ROBO1: variants seen among roughly 807,000 people sequenced by gnomAD.
ROBO1 encodes roundabout homolog 1.
ROBO1 carries 149 observed loss-of-function variants against 195.9 expected under a neutral mutation model. That is an observed-to-expected ratio of 0.76 (90% CI 0.67 to 0.87). ROBO1 has a LOEUF of 0.87. Among genes scored for constraint, ROBO1 ranks in the 40% least tolerant of loss-of-function variants. The pLI, the probability that ROBO1 is intolerant of heterozygous loss-of-function variation, is 0.00. For missense variants in ROBO1, 1,933 were observed against 2,068.3 expected (o/e 0.93, Z 1.27); for synonymous variants, 816 against 733.2 (o/e 1.11, Z -1.82).
At chr3:79,261,718 T>C (rs1166221676) in intron 2 of ROBO1, among the ~76,000 whole-genome samples, 1 of 152,096 alleles carries the variant, frequency 6.6e-6, no homozygotes, top group Non-Finnish European at 1.5e-5. Flanking sequence ...AAGATATTTA[T>C]GAATCCCTTT....
intron 2 of ROBO1, among the ~76,000 whole-genome samples, chr3:79,482,080 A>T (rs2107385479): frequency 6.6e-6 from 1 of 152,322 alleles, no homozygotes; most frequent in African/African-American, 2.4e-5. Context: ...TTATTCAAAT[A>T]TGTATTATAT....
At chr3:79,603,846 A>G (rs1370512812) in intron 1 of ROBO1, among the ~76,000 whole-genome samples, 1 of 152,000 alleles carries the variant, frequency 6.6e-6, no homozygotes, top group Non-Finnish European at 1.5e-5. Context: ...ACATAGTTCT[A>G]TTAGTGTAGT....
chr3:78,614,079 C>T (rs528428002), intron 28 of ROBO1, among the ~76,000 whole-genome samples: 22 of 152,272 alleles, frequency 1.4e-4, no homozygotes, highest in African/African-American at 4.8e-4. Context: ...TAGACAAAAT[C>T]ACACTGTTTG....
intron 2 of ROBO1, among the ~76,000 whole-genome samples, chr3:79,360,752 G>A (rs1216900283): frequency 6.6e-6 from 1 of 152,038 alleles, no homozygotes; most frequent in East Asian, 1.9e-4. Context: ...AGGTCATGGA[G>A]GAGCTGAGAG....
intron 2 of ROBO1, among the ~76,000 whole-genome samples, chr3:79,401,334 T>G (rs967018648): frequency 6.6e-6 from 1 of 151,836 alleles, no homozygotes; most frequent in African/African-American, 2.4e-5. Context: ...TAGCTAAAAT[T>G]TAAAGGCCAA....
chr3:79,265,606 G>A (rs2083025460), intron 2 of ROBO1, among the ~76,000 whole-genome samples: 1 of 151,248 alleles, frequency 6.6e-6, no homozygotes, highest in Non-Finnish European at 1.5e-5. Flanking sequence ...AGTTACAATG[G>A]GTAAGAAGAG....
rs75780073 is a variant in ROBO1 at position 78,598,695 on chromosome 3, C to T, written c.*218G>A. Reference sequence around the variant, plus strand: ...AAGGTATAATGGTTTGCTCCAACAGCGAGGGGAATAGGAAGGCTCTTTGTA... The same window carrying T: ...AAGGTATAATGGTTTGCTCCAACAGTGAGGGGAATAGGAAGGCTCTTTGTA... On this transcript the variant is annotated 3_prime_UTR_variant, in exon 31 of 31. Coordinates refer to ENST00000464233, the MANE Select transcript of ROBO1 (RefSeq NM_002941.4). 2,646 of 383,610 alleles carry T rather than the reference C, an allele frequency of 6.9e-3. 68 individuals are homozygous for T. Among genetic ancestry groups the T allele is most frequent in the African/African-American group, 0.049 (2,384 of 48,178 alleles). The allele number at this position is 383,610 out of a possible 1,614,324, so 23.8% of individuals were successfully genotyped here.
In ROBO1 at chr3:79,623,885, C is replaced by T. The variant is rs529123523; in HGVS notation, c.-50-33924G>A. Among the ~76,000 whole-genome samples, 188 of 152,098 alleles carry T rather than the reference C, an allele frequency of 1.2e-3. 1 individual carries two copies. Among genetic ancestry groups the T allele is most frequent in the African/African-American group, 4.3e-3 (177 of 41,458 alleles). On this transcript the variant is annotated intron_variant, in intron 1 of 30. Transcript: ENST00000464233. ...CTCCATGAGAAGATCAACCCCAAGA[C>T]GCATAATCATCAAATTCTCCAAGGT...
intron 4 of ROBO1, among the ~76,000 whole-genome samples, chr3:78,799,461 C>T (rs1237682348): frequency 1.3e-5 from 2 of 152,118 alleles, no homozygotes; most frequent in Admixed American, 6.5e-5. Context: ...CCTGCCTCAG[C>T]CTCCTGAGTA....
intron 2 of ROBO1, among the ~76,000 whole-genome samples, chr3:79,405,297 G>A (rs971852916): frequency 1.5e-4 from 23 of 152,118 alleles, no homozygotes; most frequent in African/African-American, 4.3e-4. Context: ...TCAGTACCCC[G>A]ACTGCCACTG....
chr3:78,894,652 G>T (rs2037124021), intron 4 of ROBO1, among the ~76,000 whole-genome samples: 1 of 152,170 alleles, frequency 6.6e-6, no homozygotes, highest in Admixed American at 6.5e-5. Flanking sequence ...TAAAGAAAAA[G>T]AAGAAATAAT....
At chr3:79,118,172 C>T (rs115427456) in intron 3 of ROBO1, among the ~76,000 whole-genome samples, 263 of 151,532 alleles carry the variant, frequency 1.7e-3, no homozygotes, top group Middle Eastern at 0.01. Flanking sequence ...GCCAGTCGTC[C>T]GCAGTCAACC....
intron 3 of ROBO1, among the ~76,000 whole-genome samples, chr3:79,066,982 A>C (rs1385990325): frequency 1.3e-5 from 2 of 151,912 alleles, no homozygotes; most frequent in African/African-American, 2.4e-5. Context: ...TGATTCCTTT[A>C]ATATTGCCAG....
chr3:79,471,715 G>A (rs1938281716), intron 2 of ROBO1, among the ~76,000 whole-genome samples: 1 of 152,078 alleles, frequency 6.6e-6, no homozygotes, highest in Non-Finnish European at 1.5e-5. Flanking sequence ...ACTGGATAAA[G>A]AAAATGTAGC....
intron 2 of ROBO1, among the ~76,000 whole-genome samples, chr3:79,392,307 T>G (rs2036983553): frequency 1.3e-5 from 2 of 152,212 alleles, no homozygotes; most frequent in Non-Finnish European, 2.9e-5. Context: ...ATTAGTGTTT[T>G]ATTTGAAGAT....
chr3:79,111,362 G>A (rs556209607), intron 3 of ROBO1, among the ~76,000 whole-genome samples: 2 of 152,200 alleles, frequency 1.3e-5, no homozygotes, highest in South Asian at 4.2e-4. Flanking sequence ...AAACTAGAAA[G>A]GAATTAGCTG....
chr3:78,598,970 A>G (rs905581246), intron 30 of ROBO1, 43 bp from the exon 31 acceptor site: 4 of 1,337,196 alleles, frequency 3.0e-6, no homozygotes, highest in Non-Finnish European at 4.2e-6. Flanking sequence ...ATAAATCTTA[A>G]GAGGATTGTG....
At chr3:78,941,855 A>T (rs992944891) in intron 3 of ROBO1, among the ~76,000 whole-genome samples, 4 of 152,202 alleles carry the variant, frequency 2.6e-5, no homozygotes, top group East Asian at 3.8e-4. Flanking sequence ...TTTGGAACCC[A>T]GTGGAAGACA....
At chr3:79,012,991 T>A (rs981056825) in intron 3 of ROBO1, among the ~76,000 whole-genome samples, 6 of 152,100 alleles carry the variant, frequency 3.9e-5, no homozygotes, top group African/African-American at 1.4e-4. Flanking sequence ...GGCAACTTTA[T>A]TGGCTATGCA....
Sources: allele counts gnomAD v4.1 joint callset (sites outside exome capture counted in the v4.1 genomes callset), GRCh38; gene constraint gnomAD v4.1.1; transcripts MANE v1.5; gene names NCBI Gene and HGNC (gene_info 2026-07-23, HGNC 2026-07-21).